Variants in PLB1 observed in about 807,000 individuals in gnomAD.
The protein encoded by PLB1 is phospholipase B1, membrane-associated.
Under a neutral mutation model 227.4 loss-of-function variants are expected in PLB1, and 242 were observed. The ratio of observed to expected loss-of-function variants is 1.06; its 90% CI spans 0.96 to 1.18. The LOEUF (loss-of-function observed/expected upper bound fraction) is 1.18. Among genes scored for constraint, PLB1 ranks in the 50% most tolerant of loss-of-function variants. PLB1 has a pLI of 0.00. For missense variants in PLB1, 1,858 were observed against 1,816.3 expected, an observed-to-expected ratio of 1.02 and a Z score of -0.42; for synonymous variants, 757 against 682.2, an observed-to-expected ratio of 1.11 and a Z score of -1.71.
chr2:28,627,037 A>C (rs1359975581), intron 51 of PLB1, among the ~76,000 whole-genome samples: 3 of 152,150 alleles, frequency 2.0e-5, no homozygotes, highest in African/African-American at 7.2e-5. Context: ...TTTGGAATAC[A>C]TCTTGTTCTA....
chr2:28,537,373 T>C (rs754195221), intron 9 of PLB1, among the ~76,000 whole-genome samples: 6 of 152,192 alleles, frequency 3.9e-5, no homozygotes, highest in Non-Finnish European at 7.3e-5. Flanking sequence ...GTTTGTCTTG[T>C]AATTTTTATT....
rs113951195 is a variant in PLB1, at chr2:28,497,254, C to CCTACT, written c.55+1088_55+1089insCTCTA. Among the ~76,000 whole-genome samples, 833 of 152,272 alleles carry CCTACT rather than the reference C, an allele frequency of 5.5e-3. 8 individuals are homozygous for CCTACT. Among genetic ancestry groups the CCTACT allele is most frequent in the African/African-American group, 0.019 (793 of 41,550 alleles). ...CTTGTTCCACTCTGAAGCTTGTCCT[C>CCTACT]CTATGGGGACTTTTGATGAGCAAAA... is the stretch of plus-strand genomic sequence containing the variant. On this transcript the variant is annotated intron_variant, in intron 1 of 57. Coordinates refer to ENST00000327757, the MANE Select transcript of PLB1 (RefSeq NM_153021.5).
chr2:28,597,242 C>T (rs894525733), intron 33 of PLB1, among the ~76,000 whole-genome samples: 16 of 135,204 alleles, frequency 1.2e-4, no homozygotes, highest in South Asian at 9.0e-4. Context: ...CCAGCCTGGG[C>T]GACAGAGCAA....
chr2:28,566,636 G>A lies in PLB1; in HGVS notation c.1281-160G>A, dbSNP rs972688047. On this transcript the variant is annotated intron_variant, in intron 19 of 57. Coordinates refer to ENST00000327757, the MANE Select transcript of PLB1 (RefSeq NM_153021.5). ...CTATGGGGAGGGGAGTCGTATTCTG[G>A]TTTGCTTTTTCCGTTTTTCTACTGA... The A allele has an allele frequency of 2.0e-5, 14 of 713,088 alleles. No individual in the cohort carries two copies. The African/African-American group carries it at 2.3e-4, about 12-fold the overall frequency. The allele number at this position is 713,088 out of a possible 1,614,324, so 44.2% of individuals were successfully genotyped here. A position where few individuals can be genotyped will look rare whatever the true frequency, so the allele number is the denominator to read the frequency against.
intron 14 of PLB1, 50 bp downstream of exon 14, chr2:28,543,318 C>A: frequency 6.3e-7 from 1 of 1,577,390 alleles, no homozygotes; most frequent in Non-Finnish European, 8.6e-7. Context: ...GGCAAGGTCT[C>A]CACCACCACT....
intron 17 of PLB1, among the ~76,000 whole-genome samples, chr2:28,560,176 A>C (rs1395961700): frequency 6.6e-6 from 1 of 152,188 alleles, no homozygotes; most frequent in Non-Finnish European, 1.5e-5. Context: ...CAAACTCTGT[A>C]CTAGGCTTCT....
In PLB1 at chr2:28,606,506, T is replaced by C. The variant is rs144578866; in HGVS notation, c.3068T>C (p.Leu1023Pro). 1.9e-5 allele frequency: 30 copies of C among 1,614,008 alleles called. No homozygotes were observed. Among genetic ancestry groups the C allele is most frequent in the Middle Eastern group, 1.6e-4 (1 of 6,084 alleles). Residue 1023 changes from leucine to proline, a missense_variant, in exon 43 of 58, where the codon CTT becomes CCT. Coordinates refer to ENST00000327757, the MANE Select transcript of PLB1 (RefSeq NM_153021.5). ...TTCTTCCCTGATCAGCTTGAACCAC[T>C]TGGAAGCAAAACAGAGACCCTGGAC... ...RALWTNMLEP[L>P]GSKTETLDLR...
At chr2:28,516,759 G>A (rs530618447) in intron 1 of PLB1, 49 bp from the exon 2 acceptor site, 1 of 1,538,778 alleles carries the variant, frequency 6.5e-7, no homozygotes, top group Non-Finnish European at 9.0e-7. Flanking sequence ...AAATTTGGGT[G>A]GGAGTTAATT....
At chr2:28,611,959 T>C (rs4666109) in intron 43 of PLB1, among the ~76,000 whole-genome samples, 1 of 151,944 alleles carries the variant, frequency 6.6e-6, no homozygotes, top group Non-Finnish European at 1.5e-5. Context: ...GCTAACATGG[T>C]GAACCCCCCG....
At chr2:28,575,205 G>T (rs547624597) in intron 21 of PLB1, among the ~76,000 whole-genome samples, 2 of 152,160 alleles carry the variant, frequency 1.3e-5, no homozygotes, top group Non-Finnish European at 2.9e-5. Flanking sequence ...AATTATGGCT[G>T]TTCTTGCAGG....
chr2:28,502,267 C>T (rs1667187197), intron 1 of PLB1, among the ~76,000 whole-genome samples: 2 of 152,072 alleles, frequency 1.3e-5, no homozygotes, highest in Non-Finnish European at 2.9e-5. Flanking sequence ...ACCATGTGGT[C>T]TCAAGGTTAC....
intron 5 of PLB1, 25 bp from the exon 6 acceptor site, chr2:28,525,880 C>T (rs1393534629): frequency 1.2e-6 from 2 of 1,613,440 alleles, no homozygotes; most frequent in African/African-American, 2.7e-5. Flanking sequence ...CAGCCTGACA[C>T]TCACATGCCT....
intron 1 of PLB1, 26 bp from the exon 2 acceptor site, chr2:28,516,782 C>G: frequency 2.5e-6 from 4 of 1,602,746 alleles, no homozygotes; most frequent in Non-Finnish European, 3.4e-6. Flanking sequence ...AGCTAAATAA[C>G]TTGAACTATT....
At chr2:28,549,010 A>G in intron 15 of PLB1, 79 bp downstream of exon 15, 1 of 1,292,018 alleles carries the variant, frequency 7.7e-7, no homozygotes, top group Non-Finnish European at 1.1e-6. Context: ...TTTGCTGTGA[A>G]GTGGGTCTTA....
chr2:28,574,549 ATTTTTTTTTTTTT>A lies in PLB1; in HGVS notation c.1433+1259_1433+1271del, dbSNP rs55675067. ...AGGCACACATCACCATTCCCGGCTA[ATTTTTTTTTTTTT>A]TTTTTTTTTTTTTTGGTAGAGACAG... On this transcript the variant is annotated intron_variant, in intron 21 of 57. Transcript: ENST00000327757. Among the ~76,000 whole-genome samples, 927 of 130,154 alleles carry A rather than the reference ATTTTTTTTTTTTT, an allele frequency of 7.1e-3. 19 individuals carry two copies. Among genetic ancestry groups the A allele is most frequent in the African/African-American group, 0.025 (883 of 35,130 alleles). 85.4% of individuals were successfully genotyped at this position (130,154 alleles called of 152,430 possible).
At position 28,556,028 on chromosome 2, in the gene PLB1, G is replaced by A. The variant is rs185759532; in HGVS notation, c.1147+3037G>A. On this transcript the variant is annotated intron_variant, in intron 17 of 57. Transcript: ENST00000327757. ...ACTATAGGCCCATGCACCATGTCCA[G>A]CTAATTTTATTTTTTGTACAGACAA... Among the ~76,000 whole-genome samples, 813 of 151,890 alleles carry A rather than the reference G, an allele frequency of 5.4e-3. 15 individuals are homozygous for A. Among genetic ancestry groups the A allele is most frequent in the Middle Eastern group, 6.8e-3 (2 of 292 alleles).
intron 4 of PLB1, among the ~76,000 whole-genome samples, chr2:28,522,060 T>G (rs1669597823): frequency 6.6e-6 from 1 of 152,030 alleles, no homozygotes; most frequent in Non-Finnish European, 1.5e-5. Flanking sequence ...GTCTTCTACC[T>G]TCTCCTCATC....
At chr2:28,575,860 T>C (rs767539410) in intron 21 of PLB1, among the ~76,000 whole-genome samples, 1 of 152,142 alleles carries the variant, frequency 6.6e-6, no homozygotes, top group Non-Finnish European at 1.5e-5. Context: ...AGGCCCAATA[T>C]GTTTTATGAT....
At chr2:28,618,488 T>C (rs1005951909) in intron 46 of PLB1, 89 bp downstream of exon 46, 2 of 1,360,174 alleles carry the variant, frequency 1.5e-6, no homozygotes, top group Non-Finnish European at 2.1e-6. Flanking sequence ...TTGGCTCCGC[T>C]TTCAGTGCTG....
Sources: allele counts gnomAD v4.1 joint callset (sites outside exome capture counted in the v4.1 genomes callset), GRCh38; gene constraint gnomAD v4.1.1; transcripts MANE v1.5; gene names NCBI Gene and HGNC (gene_info 2026-07-23, HGNC 2026-07-21).